GABBR2: variants seen among roughly 807,000 people sequenced by gnomAD.
GABBR2 encodes the protein gamma-aminobutyric acid type B receptor subunit 2.
In GABBR2, 23 loss-of-function variants were observed where a neutral mutation model predicts 105.6. That is an observed-to-expected ratio of 0.22 (90% confidence interval 0.16 to 0.31). GABBR2 has a LOEUF of 0.31. GABBR2 is among the 10% of genes least tolerant of loss of function. The pLI, the probability that GABBR2 is intolerant of heterozygous loss-of-function variation, is 1.00. For synonymous variants in GABBR2, 478 were observed against 499.7 expected (o/e 0.96, Z 0.58); for missense variants, 734 against 1,245.5 (o/e 0.59, Z 6.18).
chr9:98,468,192 G>A (rs1446894946), intron 6 of GABBR2, among the ~76,000 whole-genome samples: 2 of 152,184 alleles, frequency 1.3e-5, no homozygotes, highest in Admixed American at 1.3e-4. Context: ...TCTGGAGGGA[G>A]CCCGTGACCT....
intron 13 of GABBR2, among the ~76,000 whole-genome samples, chr9:98,340,458 T>C (rs1239567778): frequency 1.3e-5 from 2 of 151,780 alleles, no homozygotes; most frequent in Non-Finnish European, 2.9e-5. Flanking sequence ...CGGGGTCTCG[T>C]CATGTTGCCC....
At chr9:98,458,432 G>A (rs779212520) in intron 6 of GABBR2, among the ~76,000 whole-genome samples, 2 of 152,150 alleles carry the variant, frequency 1.3e-5, no homozygotes, top group African/African-American at 4.8e-5. Context: ...GGCTGGGCAC[G>A]GTGTCCCACG....
At chr9:98,671,486 T>G (rs1350645267) in intron 1 of GABBR2, among the ~76,000 whole-genome samples, 1 of 152,216 alleles carries the variant, frequency 6.6e-6, no homozygotes, top group Non-Finnish European at 1.5e-5. Flanking sequence ...TAGGTAGACA[T>G]ATGCTTTCAT....
Position 98,356,325 on chromosome 9 carries a change from T to C in GABBR2, c.1893+6390A>G, listed in dbSNP as rs117559613. Among the ~76,000 whole-genome samples the C allele has an allele frequency of 1.3e-3, 196 of 152,278 alleles. 1 individual carries two copies. The highest frequency in any genetic ancestry group is 2.0e-3 in the Non-Finnish European group (136 of 68,020). Reference sequence around the variant, plus strand: ...CAAAATATACAAGGACCTCTTAAAATTCAACAATAAGAAAACAACCTATTT... The same window carrying C: ...CAAAATATACAAGGACCTCTTAAAACTCAACAATAAGAAAACAACCTATTT... On this transcript the variant is annotated intron_variant, in intron 13 of 18. Coordinates refer to ENST00000259455, the MANE Select transcript of GABBR2 (RefSeq NM_005458.8).
intron 1 of GABBR2, among the ~76,000 whole-genome samples, chr9:98,708,187 C>CA (rs1188457715): frequency 6.6e-6 from 1 of 152,072 alleles, no homozygotes; most frequent in Non-Finnish European, 1.5e-5. Context: ...TCCCCACACA[C>CA]ACATACACAC....
Position 98,298,626 on chromosome 9 carries a change from A to T in GABBR2, c.2542+598T>A, listed in dbSNP as rs529299506. ...GCAAAAATGGTTTGTGGTTTTTTTT[A>T]AATTTATTTTTGTAGAGATGGGGTC... On this transcript the variant is annotated intron_variant, in intron 17 of 18. Transcript: ENST00000259455. Among the ~76,000 whole-genome samples the T allele has an allele frequency of 7.9e-4, 120 of 152,162 alleles. No individual in the cohort carries two copies. The Middle Eastern group carries it at 0.01, about 13-fold the overall frequency.
intron 3 of GABBR2, among the ~76,000 whole-genome samples, chr9:98,521,819 A>G (rs1272362599): frequency 6.6e-6 from 1 of 152,190 alleles, no homozygotes; most frequent in African/African-American, 2.4e-5. Context: ...GTAAGCGAAT[A>G]CCAGGTCATA....
At position 98,486,609 on chromosome 9, in the gene GABBR2, C is replaced by A. The variant is rs951561812; in HGVS notation, c.733-5612G>T. ...TCAATGGCATCCTGGTTTCTCAGAG[C>A]CTAGCCTCGCAGACTACCTACTGTG... On this transcript the variant is annotated intron_variant, in intron 4 of 18. Transcript: ENST00000259455. Among the ~76,000 whole-genome samples, 4 of 152,282 alleles carry A rather than the reference C, an allele frequency of 2.6e-5. No homozygotes were observed. The East Asian group carries it at 5.8e-4, about 22-fold the overall frequency.
chr9:98,611,676 G>A (rs150119227), intron 1 of GABBR2, among the ~76,000 whole-genome samples: 1 of 152,190 alleles, frequency 6.6e-6, no homozygotes. Context: ...GTGCTCTTCA[G>A]AGCACACACC....
intron 1 of GABBR2, among the ~76,000 whole-genome samples, chr9:98,639,062 A>G (rs774317131): frequency 1.3e-5 from 2 of 152,188 alleles, no homozygotes; most frequent in Non-Finnish European, 2.9e-5. Flanking sequence ...CACAAGAAAT[A>G]GCAGCCCGAT....
chr9:98,311,196 C>T lies in GABBR2; in HGVS notation c.1903G>A (p.Ala635Thr). ...VEKYSMEPDP[A>T]GRDISIRPLL... ...GGGCGGATGGAGATATCCCGTCCTG[C>T]TGGGTCCGGCTGTGCAAAGAGAAAA... is the stretch of plus-strand genomic sequence containing the variant. The change falls in exon 14 of 19, where the codon GCA becomes ACA. Residue 635 changes from alanine (A) to threonine (T), a missense_variant. By Grantham distance (58) the Ala-to-Thr change is moderately conservative. Coordinates refer to ENST00000259455, the MANE Select transcript of GABBR2 (RefSeq NM_005458.8). 6.2e-7 allele frequency: 1 copy of T among 1,609,158 alleles called. No individual in the cohort carries two copies. Among genetic ancestry groups the T allele is most frequent in the Non-Finnish European group, 8.5e-7 (1 of 1,175,540 alleles).
At chr9:98,652,205 C>T (rs915847335) in intron 1 of GABBR2, among the ~76,000 whole-genome samples, 9 of 152,078 alleles carry the variant, frequency 5.9e-5, no homozygotes, top group Admixed American at 2.0e-4. Flanking sequence ...AGATGATAAC[C>T]ACTTTTTAGT....
At chr9:98,705,863 G>C (rs1013392474) in intron 1 of GABBR2, among the ~76,000 whole-genome samples, 1 of 152,082 alleles carries the variant, frequency 6.6e-6, no homozygotes, top group Non-Finnish European at 1.5e-5. Flanking sequence ...GATCACCTGA[G>C]GTCGGGAGTT....
At chr9:98,307,548 G>T (rs1037728570) in intron 14 of GABBR2, among the ~76,000 whole-genome samples, 1 of 152,202 alleles carries the variant, frequency 6.6e-6, no homozygotes, top group Admixed American at 6.5e-5. Context: ...CTGAGGACCT[G>T]TGTTTAGAGA....
At chr9:98,321,231 G>A (rs1259514636) in intron 13 of GABBR2, among the ~76,000 whole-genome samples, 4 of 152,104 alleles carry the variant, frequency 2.6e-5, no homozygotes, top group South Asian at 4.1e-4. Context: ...ATGGTCACCC[G>A]ATTTTTGTTG....
intron 1 of GABBR2, among the ~76,000 whole-genome samples, chr9:98,587,052 A>G (rs1829088164): frequency 6.6e-6 from 1 of 152,238 alleles, no homozygotes; most frequent in Non-Finnish European, 1.5e-5. Flanking sequence ...GCAGTGTTTT[A>G]GAGATCTCAC....
intron 4 of GABBR2, among the ~76,000 whole-genome samples, chr9:98,483,783 C>A (rs1826982606): frequency 6.6e-6 from 1 of 152,182 alleles, no homozygotes; most frequent in South Asian, 2.1e-4. Flanking sequence ...CATCTCTCTG[C>A]CCCATCAGGC....
chr9:98,669,577 TG>T (rs1312986931), intron 1 of GABBR2, among the ~76,000 whole-genome samples: 2 of 152,228 alleles, frequency 1.3e-5, no homozygotes. Flanking sequence ...TATCTCTTTT[TG>T]GTTTTAGAGC....
At chr9:98,694,862 T>C (rs1428159916) in intron 1 of GABBR2, among the ~76,000 whole-genome samples, 3 of 152,218 alleles carry the variant, frequency 2.0e-5, no homozygotes, top group African/African-American at 7.2e-5. Context: ...TAGCTCAAGG[T>C]CATCCATTAG....
Sources: gnomAD v4.1 joint callset for allele counts (sites outside exome capture counted in the v4.1 genomes callset) on GRCh38, gnomAD v4.1.1 for gene constraint, MANE v1.5 for transcripts, NCBI Gene and HGNC (gene_info 2026-07-23, HGNC 2026-07-21) for gene names.